The following COA1 variants were observed in gnomAD, a reference collection of about 807,000 sequenced individuals.
COA1 encodes the protein cytochrome c oxidase assembly factor 1, also known as cytochrome c oxidase assembly factor 1 homolog.
COA1 carries 13 observed loss-of-function variants against 16.0 expected under a neutral mutation model. That is an observed-to-expected ratio of 0.81 (90% CI 0.53 to 1.29). COA1 has a LOEUF of 1.29. Ranked by LOEUF, COA1 falls within the 50% of genes most tolerant of loss-of-function variation. The pLI is 0.00. For synonymous variants in COA1, 65 were observed against 65.7 expected, an observed-to-expected ratio of 0.99 and a Z score of 0.05; for missense variants, 179 against 177.0, an observed-to-expected ratio of 1.01 and a Z score of -0.06.
downstream of COA1, among the ~76,000 whole-genome samples, chr7:43,637,764 A>G (rs192336207): frequency 5.1e-4 from 78 of 152,368 alleles, no homozygotes; most frequent in African/African-American, 1.8e-3. Flanking sequence ...GCACTTCACT[A>G]CATAATACTA....
At chr7:43,633,296 A>G (rs2085349065) in intron 6 of COA1, 1 of 152,136 alleles carries the variant, frequency 6.6e-6, no homozygotes, top group South Asian at 2.1e-4. Flanking sequence ...GAACACTGCT[A>G]GCTTCAAATT....
intron 1 of COA1, among the ~76,000 whole-genome samples, chr7:43,659,631 G>GT (rs1019574472): frequency 3.4e-4 from 51 of 152,012 alleles, no homozygotes; most frequent in Non-Finnish European, 1.2e-4. Context: ...AAACAATTTG[G>GT]TATCAGTGAC....
intron 2 of COA1, 189 bp from the exon 3 acceptor site, chr7:43,647,823 G>A: frequency 1.7e-6 from 1 of 592,742 alleles, no homozygotes; most frequent in Non-Finnish European, 3.0e-6. Flanking sequence ...CCCTCCTGAG[G>A]GTGCCCTCTC....
intron 1 of COA1, among the ~76,000 whole-genome samples, chr7:43,720,383 A>C (rs1282789232): frequency 2.0e-5 from 3 of 152,102 alleles, no homozygotes; most frequent in African/African-American, 7.2e-5. Flanking sequence ...TAAGCGTTTT[A>C]TCTAAGTATG....
intron 1 of COA1, among the ~76,000 whole-genome samples, chr7:43,696,484 G>C (rs2094530366): frequency 6.6e-6 from 1 of 152,004 alleles, no homozygotes; most frequent in South Asian, 2.1e-4. Context: ...ACTATCATCA[G>C]GAAATGTATA....
At chr7:43,725,577 G>C (rs1387630188) in intron 1 of COA1, among the ~76,000 whole-genome samples, 5 of 152,058 alleles carry the variant, frequency 3.3e-5, no homozygotes. Flanking sequence ...TTTTACTACT[G>C]GCTGGGCGCA....
chr7:43,721,938 C>T (rs1409545070), intron 1 of COA1, among the ~76,000 whole-genome samples: 2 of 152,104 alleles, frequency 1.3e-5, no homozygotes, highest in Non-Finnish European at 2.9e-5. Context: ...TAATGTAATA[C>T]TGCATGCTGA....
At chr7:43,711,887 CAT>C (rs1331616732) in intron 1 of COA1, among the ~76,000 whole-genome samples, 2 of 152,166 alleles carry the variant, frequency 1.3e-5, no homozygotes, top group African/African-American at 4.8e-5. Flanking sequence ...CTAAGTGGCA[CAT>C]GACTGAACAT....
intron 1 of COA1, among the ~76,000 whole-genome samples, chr7:43,689,241 G>A (rs2094169440): frequency 6.6e-6 from 1 of 152,246 alleles, no homozygotes; most frequent in Admixed American, 6.5e-5. Flanking sequence ...AGTCATGTGA[G>A]TGGGAAGCAC....
At chr7:43,680,269 T>C (rs13233084) in intron 1 of COA1, among the ~76,000 whole-genome samples, 21,244 of 146,176 alleles carry the variant, frequency 0.15, 2,054 homozygotes, top group Non-Finnish European at 0.21. Context: ...CATACAGAAT[T>C]TGGGACAGGG....
chr7:43,723,894 T>C (rs1251464031), intron 1 of COA1, among the ~76,000 whole-genome samples: 1 of 152,170 alleles, frequency 6.6e-6, no homozygotes, highest in African/African-American at 2.4e-5. Flanking sequence ...GGCACTGCAC[T>C]CCAGCCTGGG....
At position 43,675,464 on chromosome 7, in the gene COA1, G is replaced by C. The variant is rs962185418; in HGVS notation, c.-38-26812C>G. Among the ~76,000 whole-genome samples the C allele has an allele frequency of 2.0e-5, 3 of 148,388 alleles. No individual in the cohort carries two copies. The South Asian group carries it at 6.5e-4, about 32-fold the overall frequency. On this transcript the variant is annotated intron_variant, in intron 1 of 5. Coordinates refer to ENST00000223336, the MANE Select transcript of COA1 (RefSeq NM_018224.4). ...AGGGACTGTTGTGGGGTGGGGGCAG[G>C]GGGGAGGGATAGCATTAGGAGATAT...
intron 1 of COA1, among the ~76,000 whole-genome samples, chr7:43,689,865 C>T (rs1304658633): frequency 2.0e-5 from 3 of 151,888 alleles, no homozygotes. Flanking sequence ...ACATATAACC[C>T]TAGAGTAATC....
At chr7:43,660,134 T>A (rs1444879648) in intron 1 of COA1, among the ~76,000 whole-genome samples, 1 of 152,226 alleles carries the variant, frequency 6.6e-6, no homozygotes, top group Non-Finnish European at 1.5e-5. Context: ...ATTTTGTTAA[T>A]GACGGACCTA....
At chr7:43,726,875 C>G (rs1422056787) in intron 1 of COA1, among the ~76,000 whole-genome samples, 2 of 152,178 alleles carry the variant, frequency 1.3e-5, no homozygotes, top group African/African-American at 4.8e-5. Flanking sequence ...GGCAGAGGAT[C>G]TGAGTACACA....
rs181976432 is a variant in COA1 at position 43,670,469 on chromosome 7, C to T, written c.-38-21817G>A. Among the ~76,000 whole-genome samples the T allele has an allele frequency of 7.1e-3, 1,079 of 151,960 alleles. 4 individuals carry two copies. The highest frequency in any genetic ancestry group is 0.024 in the African/African-American group (999 of 41,450). ...CTTGGTCTAAAAAAAAAAAAATTTTCATCATAAACTCAGTCCCCAAAAGTA... is the reference window on the plus strand; with the variant it reads ...CTTGGTCTAAAAAAAAAAAAATTTTTATCATAAACTCAGTCCCCAAAAGTA... On this transcript the variant is annotated intron_variant, in intron 1 of 5. Transcript: ENST00000223336.
At chr7:43,701,520 G>A (rs558425874) in intron 1 of COA1, among the ~76,000 whole-genome samples, 92 of 152,296 alleles carry the variant, frequency 6.0e-4, no homozygotes, top group Admixed American at 1.5e-3. Context: ...CACCACTGAT[G>A]GGCACCTGGG....
At chr7:43,643,561 G>A (rs898758517) in intron 4 of COA1, among the ~76,000 whole-genome samples, 12 of 152,298 alleles carry the variant, frequency 7.9e-5, no homozygotes, top group African/African-American at 2.2e-4. Context: ...TGTCGCTGCC[G>A]TCCTTCCACT....
intron 1 of COA1, among the ~76,000 whole-genome samples, chr7:43,675,507 G>A (rs1048018682): frequency 6.6e-6 from 1 of 151,750 alleles, no homozygotes; most frequent in Admixed American, 6.6e-5. Context: ...GCTAAATGAC[G>A]AGTTAATGGG....
Sources: allele counts gnomAD v4.1 joint callset (sites outside exome capture counted in the v4.1 genomes callset), GRCh38; gene constraint gnomAD v4.1.1; transcripts MANE v1.5; gene names NCBI Gene and HGNC (gene_info 2026-07-23, HGNC 2026-07-21).